ELOVL6: variants seen among roughly 807,000 people sequenced by gnomAD.
ELOVL6 encodes the protein ELOVL fatty acid elongase 6, also known as very long chain fatty acid elongase 6.
In ELOVL6, 8 loss-of-function variants were observed where a neutral mutation model predicts 31.7. That is an observed-to-expected ratio of 0.25 (90% CI 0.15 to 0.45). ELOVL6 has a LOEUF of 0.45. Among genes scored for constraint, ELOVL6 ranks in the 20% least tolerant of loss-of-function variants. ELOVL6 has a pLI of 1.00. For synonymous variants in ELOVL6, 101 were observed against 117.7 expected (o/e 0.86, Z 0.92); for missense variants, 126 against 326.4 (o/e 0.39, Z 4.73).
intron 1 of ELOVL6, chr4:110,117,903 A>AAAAAAAATATATATATATATATATAT: frequency 4.6e-4 from 3 of 6,500 alleles, no homozygotes; most frequent in Non-Finnish European, 7.5e-4. Context: ...AAAAAAAAAA[A>AAAAAAAATATATATATATATATATAT]ATATATATAT....
chr4:110,144,936 CTT>C (rs1379097113), intron 1 of ELOVL6, among the ~76,000 whole-genome samples: 1 of 152,064 alleles, frequency 6.6e-6, no homozygotes, highest in Non-Finnish European at 1.5e-5. Context: ...AATCACCTCT[CTT>C]TTTCTGGTCT....
At chr4:110,157,142 G>A (rs551954358) in intron 1 of ELOVL6, among the ~76,000 whole-genome samples, 2 of 152,214 alleles carry the variant, frequency 1.3e-5, no homozygotes, top group South Asian at 4.1e-4. Flanking sequence ...GAAGGAGGAG[G>A]GAAAAGAAAG....
intron 1 of ELOVL6, among the ~76,000 whole-genome samples, chr4:110,117,205 C>T (rs1757192559): frequency 6.6e-6 from 1 of 152,102 alleles, no homozygotes; most frequent in Non-Finnish European, 1.5e-5. Flanking sequence ...CCTCTGCAAC[C>T]AAAAATTATC....
chr4:110,147,780 G>GACACACACACGGACAC (rs1758159702), intron 1 of ELOVL6, among the ~76,000 whole-genome samples: 2 of 142,650 alleles, frequency 1.4e-5, no homozygotes, highest in African/African-American at 5.1e-5. Context: ...GACAGAGCAG[G>GACACACACACGGACAC]ACACACACAC....
At chr4:110,155,403 G>C (rs1203244322) in intron 1 of ELOVL6, among the ~76,000 whole-genome samples, 1 of 151,424 alleles carries the variant, frequency 6.6e-6, no homozygotes, top group Non-Finnish European at 1.5e-5. Context: ...CTAATCTATA[G>C]CAAAAAAAAT....
chr4:110,117,903 A>ATATAT (rs1553958739), intron 1 of ELOVL6: 2 of 6,502 alleles, frequency 3.1e-4, no homozygotes, highest in Admixed American at 3.8e-3. Flanking sequence ...AAAAAAAAAA[A>ATATAT]ATATATATAT....
At chr4:110,084,328 TA>T (rs1756103989) in intron 2 of ELOVL6, among the ~76,000 whole-genome samples, 2 of 135,974 alleles carry the variant, frequency 1.5e-5, no homozygotes, top group South Asian at 2.3e-4. Context: ...ATAAATTTGA[TA>T]TATATCACAT....
intron 2 of ELOVL6, among the ~76,000 whole-genome samples, chr4:110,097,232 G>A (rs1187205459): frequency 6.7e-6 from 1 of 150,116 alleles, no homozygotes; most frequent in African/African-American, 2.4e-5. Flanking sequence ...TTGAATCAGG[G>A]AGGTGGAGGT....
chr4:110,154,472 C>A (rs563843275), intron 1 of ELOVL6, among the ~76,000 whole-genome samples: 1 of 152,090 alleles, frequency 6.6e-6, no homozygotes, highest in South Asian at 2.1e-4. Flanking sequence ...CCAGGCTGGT[C>A]GTGAACTCCT....
At chr4:110,085,401 G>GA (rs1279525651) in intron 2 of ELOVL6, among the ~76,000 whole-genome samples, 4 of 152,210 alleles carry the variant, frequency 2.6e-5, no homozygotes, top group Non-Finnish European at 5.9e-5. Flanking sequence ...CACAGTGCTG[G>GA]AAAAAATAGC....
intron 1 of ELOVL6, among the ~76,000 whole-genome samples, chr4:110,170,251 T>C (rs1028209441): frequency 6.6e-6 from 1 of 152,368 alleles, no homozygotes; most frequent in African/African-American, 2.4e-5. Flanking sequence ...TTTTGTGATA[T>C]ATTTACTGCT....
At chr4:110,164,040 T>G (rs552692006) in intron 1 of ELOVL6, among the ~76,000 whole-genome samples, 1 of 152,224 alleles carries the variant, frequency 6.6e-6, no homozygotes, top group Non-Finnish European at 1.5e-5. Context: ...AAAATAATAC[T>G]AAAATATCTG....
Position 110,173,947 on chromosome 4 carries a change from T to C in ELOVL6, c.89+24300A>G, listed in dbSNP as rs573762127. ...CAAATCCCCATGACACATGTTTACCTATGTAACAAACCTTCACATGTACCC... is the reference window on the plus strand; with the variant it reads ...CAAATCCCCATGACACATGTTTACCCATGTAACAAACCTTCACATGTACCC... On this transcript the variant is annotated intron_variant, in intron 1 of 3. Coordinates refer to ENST00000302274, the MANE Select transcript of ELOVL6 (RefSeq NM_024090.3). 3.6e-3 allele frequency among the ~76,000 whole-genome samples: 548 copies of C among 151,126 alleles called. 2 individuals carry two copies. The highest frequency in any genetic ancestry group is 6.1e-3 in the Non-Finnish European group (415 of 67,700).
chr4:110,162,651 TATAG>T (rs142893347), intron 1 of ELOVL6, among the ~76,000 whole-genome samples: 4,801 of 152,242 alleles, frequency 0.032, 88 homozygotes, highest in Middle Eastern at 0.065. Context: ...GGCCTGAATA[TATAG>T]ATATTTTGGA....
intron 1 of ELOVL6, among the ~76,000 whole-genome samples, chr4:110,158,596 C>T (rs1003361124): frequency 6.7e-4 from 95 of 140,944 alleles, no homozygotes; most frequent in African/African-American, 2.2e-3. Flanking sequence ...TATATATATA[C>T]ACACACACAC....
chr4:110,193,794 G>A (rs913451817), intron 1 of ELOVL6, among the ~76,000 whole-genome samples: 1 of 152,168 alleles, frequency 6.6e-6, no homozygotes, highest in Non-Finnish European at 1.5e-5. Context: ...CCAAGGGAGT[G>A]AGTGGGGAGA....
intron 2 of ELOVL6, among the ~76,000 whole-genome samples, chr4:110,097,701 ATTATTATG>A (rs1049156810): frequency 6.6e-6 from 1 of 151,712 alleles, no homozygotes; most frequent in Non-Finnish European, 1.5e-5. Flanking sequence ...AAATTATTAT[ATTATTATG>A]TTTATTATAA....
At chr4:110,113,078 A>T (rs1008304051) in intron 1 of ELOVL6, among the ~76,000 whole-genome samples, 10 of 149,592 alleles carry the variant, frequency 6.7e-5, no homozygotes, top group African/African-American at 2.5e-4. Flanking sequence ...TACAAAAAAA[A>T]TTAGCCAGGC....
Position 110,051,378 on chromosome 4 carries a change from G to A in ELOVL6, c.758C>T (p.Ala253Val). Reference sequence around the variant, plus strand: ...TGTTTTCCTCATTTTGCCGATGTAGGCCTCAAAGAAGAAATGGCAGAAGAG... The same window carrying A: ...TGTTTTCCTCATTTTGCCGATGTAGACCTCAAAGAAGAAATGGCAGAAGAG... ...LVLFCHFFFEAYIGKMRKTTK... is the reference protein window; with the variant it reads ...LVLFCHFFFEVYIGKMRKTTK... Residue 253 changes from alanine to valine, a missense_variant, in exon 4 of 4, where the codon GCC (alanine) becomes GTC (valine). Physicochemically the swap from Ala to Val is moderately conservative, Grantham distance 64. This residue lies in a region of ELOVL6 where 57 missense variants were observed against 110.2 expected (regional missense o/e 0.52). Coordinates refer to ENST00000302274, the MANE Select transcript of ELOVL6 (RefSeq NM_024090.3). The surrounding 1 kb of genome is among the most constrained non-coding windows in gnomAD (Gnocchi z 4.8). The A allele has an allele frequency of 6.2e-7, 1 of 1,614,128 alleles. No homozygotes were observed. The highest frequency in any genetic ancestry group is 8.5e-7 in the Non-Finnish European group (1 of 1,180,012).
Sources: gnomAD v4.1 joint callset for allele counts (sites outside exome capture counted in the v4.1 genomes callset) on GRCh38, gnomAD v4.1.1 for gene constraint, gnomAD v4.1.1 regional missense constraint, Gnocchi (gnomAD v3.1) non-coding constraint, MANE v1.5 for transcripts, NCBI Gene and HGNC (gene_info 2026-07-23, HGNC 2026-07-21) for gene names.